APBA1: variants seen among roughly 807,000 people sequenced by gnomAD.
The protein encoded by APBA1 is amyloid-beta A4 precursor protein-binding family A member 1.
In APBA1, 55 loss-of-function variants were observed where a neutral mutation model predicts 86.6. The ratio of observed to expected loss-of-function variants is 0.64; its 90% CI spans 0.51 to 0.80. The LOEUF is 0.80. Ranked by LOEUF, APBA1 falls within the 30% of genes least tolerant of loss-of-function variation. APBA1 has a pLI of 0.00. For missense variants in APBA1, 1,090 were observed against 1,183.0 expected (o/e 0.92, Z 1.15); for synonymous variants, 511 against 493.9 (o/e 1.03, Z -0.46).
In APBA1 at chr9:69,427,966, A is replaced by T. The variant is rs1373181320; in HGVS notation, c.*3361T>A. ...GAAATGTCATTCCCACACAGTCCTC[A>T]CACACTGCCTTGATGGAGGGGAAGA... On this transcript the variant is annotated 3_prime_UTR_variant, in exon 13 of 13. Coordinates refer to ENST00000265381, the MANE Select transcript of APBA1 (RefSeq NM_001163.4). 1 of 152,224 alleles carries T rather than the reference A, an allele frequency of 6.6e-6. No individual in the cohort carries two copies. Among genetic ancestry groups the T allele is most frequent in the Non-Finnish European group, 1.5e-5 (1 of 68,064 alleles). The allele number at this position is 152,224 out of a possible 1,614,324, so 9.4% of individuals were successfully genotyped here.
intron 11 of APBA1, among the ~76,000 whole-genome samples, chr9:69,436,210 C>T (rs62570240): frequency 0.021 from 3,205 of 149,822 alleles, 213 homozygotes; most frequent in African/African-American, 0.051. Flanking sequence ...AGTCAGGTAG[C>T]GTGATGCCTC....
At chr9:69,538,231 G>C (rs927111909) in intron 1 of APBA1, among the ~76,000 whole-genome samples, 9 of 152,212 alleles carry the variant, frequency 5.9e-5, no homozygotes, top group Admixed American at 2.6e-4. Context: ...GGGAGTGAAT[G>C]AGGTCACTTC....
At chr9:69,530,319 T>C (rs1183843381) in intron 1 of APBA1, among the ~76,000 whole-genome samples, 18 of 140,638 alleles carry the variant, frequency 1.3e-4, no homozygotes, top group African/African-American at 4.3e-4. Flanking sequence ...TATATATATA[T>C]ATATATATAT....
At chr9:69,481,610 G>GAA (rs149482949) in intron 2 of APBA1, among the ~76,000 whole-genome samples, 3 of 140,392 alleles carry the variant, frequency 2.1e-5, no homozygotes, top group African/African-American at 2.7e-5. Flanking sequence ...CACAGAATTG[G>GAA]AAAAAACTAC....
At chr9:69,614,751 A>G (rs1822667870) in intron 1 of APBA1, among the ~76,000 whole-genome samples, 1 of 152,256 alleles carries the variant, frequency 6.6e-6, no homozygotes, top group Admixed American at 6.5e-5. Context: ...TAATGAAGAA[A>G]CTGATGAATT....
chr9:69,642,054 C>T (rs1188088779), intron 1 of APBA1, among the ~76,000 whole-genome samples: 1 of 152,148 alleles, frequency 6.6e-6, no homozygotes, highest in Non-Finnish European at 1.5e-5. Context: ...CCATGTTGCC[C>T]AGGCATGAAG....
chr9:69,602,216 C>T (rs1822364528), intron 1 of APBA1, among the ~76,000 whole-genome samples: 1 of 152,204 alleles, frequency 6.6e-6, no homozygotes, highest in Middle Eastern at 3.4e-3. Flanking sequence ...TTAGTATGAT[C>T]ACATGGTTTT....
intron 1 of APBA1, among the ~76,000 whole-genome samples, chr9:69,566,919 T>G (rs1041423938): frequency 6.6e-6 from 1 of 152,182 alleles, no homozygotes; most frequent in Non-Finnish European, 1.5e-5. Context: ...ACCCTACTTG[T>G]GTGTCAGGGC....
intron 1 of APBA1, among the ~76,000 whole-genome samples, chr9:69,574,558 G>A (rs1223166563): frequency 1.3e-5 from 2 of 152,162 alleles, no homozygotes; most frequent in Admixed American, 1.3e-4. Flanking sequence ...AAGAGATCCT[G>A]TGAGGTTTCT....
rs1171050918 is a variant in APBA1, at chr9:69,517,247, C to G, written c.-37G>C. On this transcript the variant is annotated 5_prime_UTR_variant, in exon 2 of 13. Coordinates refer to ENST00000265381, the MANE Select transcript of APBA1 (RefSeq NM_001163.4). ...GAACGGCTAGGAGAGAAGCTGGGCC[C>G]GGCTCACTGCGCTCTCATTTTGCTC... is the stretch of plus-strand genomic sequence containing the variant. 2.1e-6 allele frequency: 3 copies of G among 1,425,294 alleles called. No homozygotes were observed. The highest frequency in any genetic ancestry group is 5.4e-5 in the East Asian group (2 of 37,256). 88.3% of individuals were successfully genotyped at this position (1,425,294 alleles called of 1,614,324 possible). A position where few individuals can be genotyped will look rare whatever the true frequency, so the allele number is the denominator to read the frequency against.
intron 2 of APBA1, among the ~76,000 whole-genome samples, chr9:69,483,490 G>T (rs186986386): frequency 1.3e-5 from 2 of 152,146 alleles, no homozygotes; most frequent in Admixed American, 6.5e-5. Context: ...GAGGGGGCAC[G>T]CTGATAGACA....
chr9:69,605,035 G>A (rs1351208567), intron 1 of APBA1, among the ~76,000 whole-genome samples: 2 of 152,196 alleles, frequency 1.3e-5, no homozygotes, highest in Non-Finnish European at 2.9e-5. Context: ...ATTCGGTTAT[G>A]ACTCACACAA....
intron 1 of APBA1, among the ~76,000 whole-genome samples, chr9:69,657,511 C>T (rs565577900): frequency 4.7e-4 from 71 of 152,258 alleles, no homozygotes; most frequent in African/African-American, 1.7e-3. Flanking sequence ...AGACAGAAGT[C>T]CCCCTGCTTA....
At chr9:69,541,173 T>C (rs1209120020) in intron 1 of APBA1, among the ~76,000 whole-genome samples, 2 of 152,192 alleles carry the variant, frequency 1.3e-5, no homozygotes, top group Non-Finnish European at 2.9e-5. Context: ...TTCTTTGAGA[T>C]CTTGATTTCA....
chr9:69,560,731 T>A (rs1248895297), intron 1 of APBA1, among the ~76,000 whole-genome samples: 1 of 152,208 alleles, frequency 6.6e-6, no homozygotes, highest in Non-Finnish European at 1.5e-5. Context: ...TACATTATAC[T>A]TAACAGTTGA....
chr9:69,663,707 T>C (rs1202840120), intron 1 of APBA1, among the ~76,000 whole-genome samples: 3 of 152,176 alleles, frequency 2.0e-5, no homozygotes, highest in Non-Finnish European at 2.9e-5. Flanking sequence ...TTCATACAAA[T>C]TGTATGCTAA....
chr9:69,462,876 C>T (rs1252669613), intron 5 of APBA1: 4 of 152,158 alleles, frequency 2.6e-5, no homozygotes, highest in South Asian at 2.1e-4. Flanking sequence ...GTTTCTGACT[C>T]AGTAGGTTTG....
intron 1 of APBA1, among the ~76,000 whole-genome samples, chr9:69,520,115 C>A (rs1836228470): frequency 6.6e-6 from 1 of 152,150 alleles, no homozygotes; most frequent in African/African-American, 2.4e-5. Flanking sequence ...GGTATTGCAA[C>A]ATGTTAATGA....
intron 1 of APBA1, among the ~76,000 whole-genome samples, chr9:69,561,972 C>G (rs1836953005): frequency 6.6e-6 from 1 of 152,078 alleles, no homozygotes; most frequent in Non-Finnish European, 1.5e-5. Flanking sequence ...TCATCATAAT[C>G]ATTTCTACTA....
Sources: allele counts gnomAD v4.1 joint callset (sites outside exome capture counted in the v4.1 genomes callset), GRCh38; gene constraint gnomAD v4.1.1; transcripts MANE v1.5; gene names NCBI Gene and HGNC (gene_info 2026-07-23, HGNC 2026-07-21).